BICC1: variants seen among roughly 807,000 people sequenced by gnomAD.
The protein encoded by BICC1 is BicC family RNA binding protein 1.
BICC1 carries 43 observed loss-of-function variants against 111.0 expected under a neutral mutation model. The observed-to-expected ratio is 0.39, with a 90% CI of 0.30 to 0.50. The LOEUF (loss-of-function observed/expected upper bound fraction) is 0.50, where lower values mean the gene tolerates loss of function less well. BICC1 is among the 20% of genes least tolerant of loss of function. The pLI is 0.88. For missense variants in BICC1, 1,091 were observed against 1,203.2 expected (o/e 0.91, Z 1.38); for synonymous variants, 467 against 434.4 (o/e 1.07, Z -0.93).
intron 9 of BICC1, among the ~76,000 whole-genome samples, chr10:58,794,251 T>G (rs1382608979): frequency 5.9e-5 from 9 of 151,314 alleles, no homozygotes; most frequent in Non-Finnish European, 1.5e-5. Flanking sequence ...GACTACTTAC[T>G]ATATGCCATC....
intron 1 of BICC1, among the ~76,000 whole-genome samples, chr10:58,542,770 A>G (rs768190238): frequency 7.9e-5 from 12 of 152,154 alleles, no homozygotes; most frequent in Admixed American, 1.3e-4. Context: ...GAAAAGATCA[A>G]CATCAAGTAA....
chr10:58,813,023 G>T (rs925161593), intron 17 of BICC1, among the ~76,000 whole-genome samples: 4 of 152,036 alleles, frequency 2.6e-5, no homozygotes, highest in Non-Finnish European at 5.9e-5. Context: ...CCTAAAGAAA[G>T]AAATTTTTAA....
At chr10:58,778,075 T>C (rs1842794806) in intron 3 of BICC1, among the ~76,000 whole-genome samples, 2 of 152,030 alleles carry the variant, frequency 1.3e-5, no homozygotes, top group Admixed American at 1.3e-4. Context: ...TAGCCAGGCA[T>C]GGTGGCCCGT....
intron 1 of BICC1, among the ~76,000 whole-genome samples, chr10:58,527,761 C>A (rs570506673): frequency 1.3e-5 from 2 of 152,028 alleles, no homozygotes; most frequent in South Asian, 4.2e-4. Flanking sequence ...CAGAACAGAG[C>A]CTTCAGAAAT....
At chr10:58,740,889 G>A (rs995574171) in intron 3 of BICC1, among the ~76,000 whole-genome samples, 1 of 152,218 alleles carries the variant, frequency 6.6e-6, no homozygotes, top group African/African-American at 2.4e-5. Flanking sequence ...GACCAAAGGG[G>A]TGACACGTGA....
At chr10:58,718,842 G>A (rs1460332058) in intron 3 of BICC1, among the ~76,000 whole-genome samples, 2 of 151,988 alleles carry the variant, frequency 1.3e-5, no homozygotes, top group Admixed American at 1.3e-4. Context: ...GCCCTGATAT[G>A]AGAATTACTT....
chr10:58,561,734 T>C (rs1564488718), intron 1 of BICC1, among the ~76,000 whole-genome samples: 1 of 152,080 alleles, frequency 6.6e-6, no homozygotes, highest in Non-Finnish European at 1.5e-5. Context: ...TTTTATACTT[T>C]CATATGCTTT....
At chr10:58,653,809 C>G (rs1206970221) in intron 2 of BICC1, among the ~76,000 whole-genome samples, 1 of 144,650 alleles carries the variant, frequency 6.9e-6, no homozygotes, top group Non-Finnish European at 1.5e-5. Flanking sequence ...TTAGGTATAT[C>G]TCCCAATGCT....
intron 1 of BICC1, among the ~76,000 whole-genome samples, chr10:58,533,745 T>C (rs1842744834): frequency 2.0e-5 from 3 of 151,564 alleles, no homozygotes. Flanking sequence ...GATATGGAAA[T>C]ATAAAGCTCT....
chr10:58,569,149 C>T (rs1481265670), intron 1 of BICC1, among the ~76,000 whole-genome samples: 4 of 152,248 alleles, frequency 2.6e-5, no homozygotes, highest in Non-Finnish European at 5.9e-5. Flanking sequence ...TTAAAAGTTA[C>T]ATTGAAAGGG....
chr10:58,655,159 G>A (rs78211774), intron 2 of BICC1, among the ~76,000 whole-genome samples: 5,068 of 140,430 alleles, frequency 0.036, 124 homozygotes, highest in Middle Eastern at 0.072. Flanking sequence ...TTGCCTTGGC[G>A]ATGCGGGCTC....
intron 3 of BICC1, among the ~76,000 whole-genome samples, chr10:58,714,493 G>T (rs1253911082): frequency 2.6e-5 from 4 of 152,134 alleles, no homozygotes; most frequent in Non-Finnish European, 5.9e-5. Flanking sequence ...AGTGTTTCAC[G>T]TTATGCCTTT....
rs553663075 is a variant in BICC1, at chr10:58,525,938, GA to G, written c.190+12612del. 6.7e-4 allele frequency among the ~76,000 whole-genome samples: 102 copies of G among 151,790 alleles called. 1 individual carries two copies. In the South Asian group the frequency reaches 0.019, roughly 29 times the overall value. ...TGGTTGAATAATAGTACATTTGGTT[GA>G]AAAAAATTTTTTATAGTTATGAACT... On this transcript the variant is annotated intron_variant, in intron 1 of 20. Transcript: ENST00000373886.
chr10:58,592,029 A>G (rs1021568981), intron 1 of BICC1, among the ~76,000 whole-genome samples: 2 of 152,224 alleles, frequency 1.3e-5, no homozygotes, highest in Non-Finnish European at 2.9e-5. Flanking sequence ...TATTCTCTCC[A>G]TACCTTTTAT....
chr10:58,695,418 A>G (rs1589031951), intron 2 of BICC1, among the ~76,000 whole-genome samples: 1 of 152,366 alleles, frequency 6.6e-6, no homozygotes, highest in East Asian at 1.9e-4. Context: ...TAAGGAAAAT[A>G]GAGCACAAAT....
chr10:58,584,070 AC>A, intron 1 of BICC1, among the ~76,000 whole-genome samples: 1 of 150,874 alleles, frequency 6.6e-6, no homozygotes, highest in African/African-American at 2.4e-5. Flanking sequence ...ACACACACAC[AC>A]ACACACACAC....
Position 58,722,834 on chromosome 10 carries a change from T to C in BICC1, c.307+20691T>C, listed in dbSNP as rs12571513. Among the ~76,000 whole-genome samples the C allele has an allele frequency of 3.9e-4, 60 of 152,296 alleles. 1 individual carries two copies. The East Asian group carries it at 0.011, about 28-fold the overall frequency. On this transcript the variant is annotated intron_variant, in intron 3 of 20. Coordinates refer to ENST00000373886, the MANE Select transcript of BICC1 (RefSeq NM_001080512.3). ...TTCCTTTAAGAATAAAGGAAGCTTA[T>C]TTGAGTGAGCTTCTAGACTGAGGAA...
chr10:58,770,061 G>A (rs1381782309), intron 3 of BICC1, among the ~76,000 whole-genome samples: 2 of 151,844 alleles, frequency 1.3e-5, no homozygotes, highest in African/African-American at 2.4e-5. Context: ...TATAAATTTC[G>A]GTGTAATCTT....
chr10:58,630,826 A>G (rs1192558982), intron 2 of BICC1, among the ~76,000 whole-genome samples: 1 of 152,162 alleles, frequency 6.6e-6, no homozygotes, highest in Non-Finnish European at 1.5e-5. Flanking sequence ...ATTAAGTTAT[A>G]TCTTTAAAGG....
Sources: allele counts gnomAD v4.1 joint callset (sites outside exome capture counted in the v4.1 genomes callset), GRCh38; gene constraint gnomAD v4.1.1; transcripts MANE v1.5; gene names NCBI Gene and HGNC (gene_info 2026-07-23, HGNC 2026-07-21).